Variants in CLVS1 observed in about 807,000 individuals in gnomAD.
CLVS1 encodes clavesin 1.
CLVS1 carries 10 observed loss-of-function variants against 33.1 expected under a neutral mutation model. That is an observed-to-expected ratio of 0.30 (90% CI 0.19 to 0.51). The LOEUF (loss-of-function observed/expected upper bound fraction) is 0.51, where lower values mean the gene tolerates loss of function less well. CLVS1 is among the 20% of genes least tolerant of loss of function. CLVS1 has a pLI of 0.97. For missense variants in CLVS1, 343 were observed against 433.4 expected, an observed-to-expected ratio of 0.79 and a Z score of 1.85; for synonymous variants, 163 against 166.1, an observed-to-expected ratio of 0.98 and a Z score of 0.14.
intron 3 of CLVS1, among the ~76,000 whole-genome samples, chr8:61,389,224 A>T (rs939520582): frequency 1.3e-5 from 2 of 152,182 alleles, no homozygotes; most frequent in African/African-American, 4.8e-5. Context: ...AGGCTAACCC[A>T]CATTAGCATA....
intron 1 of CLVS1, among the ~76,000 whole-genome samples, chr8:61,130,703 G>A (rs1470892851): frequency 6.6e-6 from 1 of 152,194 alleles, no homozygotes; most frequent in African/African-American, 2.4e-5. Flanking sequence ...TTTCTGAAGA[G>A]TATTAAGAGG....
At chr8:61,159,749 G>A (rs1806717136) in intron 2 of CLVS1, among the ~76,000 whole-genome samples, 1 of 152,168 alleles carries the variant, frequency 6.6e-6, no homozygotes, top group Admixed American at 6.5e-5. Flanking sequence ...TTATTGTCAG[G>A]AGAGAGAATG....
At chr8:61,224,938 T>G (rs1399500183) in intron 2 of CLVS1, among the ~76,000 whole-genome samples, 2 of 152,256 alleles carry the variant, frequency 1.3e-5, no homozygotes, top group African/African-American at 2.4e-5. Context: ...ACGAATTCTC[T>G]TTTGTAGCTT....
intron 2 of CLVS1, among the ~76,000 whole-genome samples, chr8:61,262,264 C>A (rs1747807376): frequency 6.6e-6 from 1 of 152,122 alleles, no homozygotes; most frequent in South Asian, 2.1e-4. Flanking sequence ...GATCCTCCTG[C>A]CTCAACCTCT....
chr8:61,235,900 C>T (rs1044306972), intron 2 of CLVS1, among the ~76,000 whole-genome samples: 6 of 152,182 alleles, frequency 3.9e-5, no homozygotes, highest in South Asian at 2.1e-4. Context: ...GCTGGGAGCC[C>T]TGTGGACAAG....
chr8:61,489,323 A>G (rs911423874), intron 5 of CLVS1, among the ~76,000 whole-genome samples: 1 of 152,128 alleles, frequency 6.6e-6, no homozygotes, highest in Non-Finnish European at 1.5e-5. Flanking sequence ...AGTTATAGGT[A>G]TTTTTTGTAC....
intron 2 of CLVS1, among the ~76,000 whole-genome samples, chr8:61,223,148 C>T (rs1302281121): frequency 6.6e-6 from 1 of 152,036 alleles, no homozygotes; most frequent in Non-Finnish European, 1.5e-5. Context: ...CAGTCTGTGT[C>T]TTTTAATTGG....
At chr8:61,383,088 G>A (rs760735040) in intron 3 of CLVS1, among the ~76,000 whole-genome samples, 4 of 152,186 alleles carry the variant, frequency 2.6e-5, no homozygotes, top group Non-Finnish European at 4.4e-5. Context: ...AATTGCCCCA[G>A]CGCTGTAATT....
In CLVS1 at chr8:61,193,375, C is replaced by A. The variant is rs73684413; in HGVS notation, c.-152+61515C>A. Among the ~76,000 whole-genome samples, 7 of 151,622 alleles carry A rather than the reference C, an allele frequency of 4.6e-5. No homozygotes were observed. In the South Asian group the frequency reaches 1.5e-3, roughly 32 times the overall value. On this transcript the variant is annotated intron_variant, in intron 2 of 2. Transcript: ENST00000522621. Reference sequence around the variant, plus strand: ...TCACACACCTGGGCCTGTCGTAGGGCGGGGAGAGGGGGAGGGATAGCATTA... The same window carrying A: ...TCACACACCTGGGCCTGTCGTAGGGAGGGGAGAGGGGGAGGGATAGCATTA...
intron 5 of CLVS1, among the ~76,000 whole-genome samples, chr8:61,490,656 CAAA>C (rs11455386): frequency 1.8e-5 from 2 of 113,092 alleles, no homozygotes; most frequent in Admixed American, 9.4e-5. Flanking sequence ...AGATCCGTCT[CAAA>C]AAAAAAAAAA....
At chr8:61,031,644 G>T in the CLVS1 span, among the ~76,000 whole-genome samples, 1 of 152,162 alleles carries the variant, frequency 6.6e-6, no homozygotes, top group African/African-American at 2.4e-5. Context: ...AGAACTGCAC[G>T]GCAGAGGAAA....
chr8:61,170,573 A>G (rs1000496144), intron 2 of CLVS1, among the ~76,000 whole-genome samples: 1 of 152,172 alleles, frequency 6.6e-6, no homozygotes, highest in Non-Finnish European at 1.5e-5. Flanking sequence ...TGACCTTGCA[A>G]TCAGGCTGAC....
chr8:61,189,793 T>C (rs1011751530), intron 2 of CLVS1, among the ~76,000 whole-genome samples: 2 of 152,048 alleles, frequency 1.3e-5, no homozygotes, highest in African/African-American at 4.8e-5. Context: ...TACATAATGG[T>C]AAAGGGATCA....
At chr8:61,046,372 T>G in the CLVS1 span, among the ~76,000 whole-genome samples, 6 of 145,718 alleles carry the variant, frequency 4.1e-5, no homozygotes, top group South Asian at 1.3e-3. Context: ...ACCAGTACCA[T>G]GCTGTTTTGG....
chr8:61,251,276 T>C (rs1808941153), intron 2 of CLVS1, among the ~76,000 whole-genome samples: 1 of 151,990 alleles, frequency 6.6e-6, no homozygotes, highest in Non-Finnish European at 1.5e-5. Context: ...AACTTCATCA[T>C]GTGGATAAGT....
chr8:60,990,331 G>T, the CLVS1 span, among the ~76,000 whole-genome samples: 1 of 152,128 alleles, frequency 6.6e-6, no homozygotes, highest in African/African-American at 2.4e-5. Context: ...CTAAAGAACT[G>T]CTGTTAATTT....
rs192846586 is a variant in CLVS1, at chr8:61,108,638, C to T, written c.-242-23132C>T. Among the ~76,000 whole-genome samples the T allele has an allele frequency of 3.0e-3, 456 of 152,294 alleles. 1 individual carries two copies. The highest frequency in any genetic ancestry group is 4.4e-3 in the Non-Finnish European group (297 of 68,016). Reference sequence around the variant, plus strand: ...CAAGAGATCTCTTAAGACCCAACCACGCTAAATATGAATACTAATCCAAGG... The same window carrying T: ...CAAGAGATCTCTTAAGACCCAACCATGCTAAATATGAATACTAATCCAAGG... On this transcript the variant is annotated intron_variant, in intron 1 of 2. Coordinates refer to the CLVS1 transcript ENST00000522621.
chr8:60,997,147 T>A, the CLVS1 span, among the ~76,000 whole-genome samples: 2 of 151,990 alleles, frequency 1.3e-5, no homozygotes, highest in Non-Finnish European at 2.9e-5. Flanking sequence ...TTGCTTCAGG[T>A]GGGGGATGTC....
At chr8:61,383,225 G>A (rs572970927) in intron 3 of CLVS1, among the ~76,000 whole-genome samples, 19 of 152,314 alleles carry the variant, frequency 1.2e-4, no homozygotes, top group African/African-American at 3.8e-4. Flanking sequence ...CAGTGACACT[G>A]GAGGCACTTT....
Sources: gnomAD v4.1 joint callset for allele counts (sites outside exome capture counted in the v4.1 genomes callset) on GRCh38, gnomAD v4.1.1 for gene constraint, MANE v1.5 for transcripts, NCBI Gene and HGNC (gene_info 2026-07-23, HGNC 2026-07-21) for gene names.